The following ABR variants were observed in gnomAD, a reference collection of about 807,000 sequenced individuals.
The protein encoded by ABR is active breakpoint cluster region-related protein.
ABR carries 35 observed loss-of-function variants against 107.2 expected under a neutral mutation model. That is an observed-to-expected ratio of 0.33 (90% CI 0.25 to 0.43). ABR has a LOEUF of 0.43. Ranked by LOEUF, ABR falls within the 20% of genes least tolerant of loss-of-function variation. The probability of loss-of-function intolerance (pLI) is 1.00; values close to 1 mark genes in which losing one functional copy is unlikely to be tolerated. For synonymous variants in ABR, 498 were observed against 462.0 expected, an observed-to-expected ratio of 1.08 and a Z score of -1.00; for missense variants, 815 against 1,115.2, an observed-to-expected ratio of 0.73 and a Z score of 3.83.
intron 2 of ABR, among the ~76,000 whole-genome samples, chr17:1,102,621 C>T (rs1272134617): frequency 2.0e-5 from 3 of 152,210 alleles, no homozygotes; most frequent in Non-Finnish European, 2.9e-5. Flanking sequence ...AGTCCTGGGC[C>T]GTATGGCCGC....
chr17:1,086,347 A>G (rs1408878020), intron 4 of ABR, among the ~76,000 whole-genome samples: 1 of 152,104 alleles, frequency 6.6e-6, no homozygotes, highest in Non-Finnish European at 1.5e-5. Context: ...GAAGCCGCGC[A>G]CACAGCCATG....
chr17:1,197,702 C>T (rs1474146395), intron 1 of ABR, among the ~76,000 whole-genome samples: 1 of 151,568 alleles, frequency 6.6e-6, no homozygotes. Flanking sequence ...CTTTCCTGGA[C>T]CCCAGGCTGG....
intron 10 of ABR, among the ~76,000 whole-genome samples, chr17:1,066,141 A>C (rs2034714652): frequency 6.6e-6 from 1 of 152,070 alleles, no homozygotes. Flanking sequence ...AGCCTCCCAA[A>C]GTTCTGGGAT....
upstream of ABR, among the ~76,000 whole-genome samples, chr17:1,189,718 G>C (rs1166254762): frequency 6.6e-6 from 1 of 152,048 alleles, no homozygotes; most frequent in Non-Finnish European, 1.5e-5. Context: ...CTTCCAGGGA[G>C]CTTTCCCGAC....
chr17:1,181,650 C>G (rs548872484), upstream of ABR, among the ~76,000 whole-genome samples: 1 of 152,172 alleles, frequency 6.6e-6, no homozygotes, highest in Admixed American at 6.5e-5. Context: ...GGGAAGGGAA[C>G]GAGCAGGCTC....
At chr17:1,116,385 G>A (rs1285163049) in intron 2 of ABR, among the ~76,000 whole-genome samples, 2 of 152,192 alleles carry the variant, frequency 1.3e-5, no homozygotes, top group Non-Finnish European at 2.9e-5. Flanking sequence ...ACCTGGGCAT[G>A]TCATCTAGTC....
At position 1,148,941 on chromosome 17, in the gene ABR, A is replaced by G. The variant is rs949483979; in HGVS notation, c.62-23574T>C. 3.3e-5 allele frequency among the ~76,000 whole-genome samples: 5 copies of G among 151,884 alleles called. No homozygotes were observed. Among genetic ancestry groups the G allele is most frequent in the African/African-American group, 9.7e-5 (4 of 41,308 alleles). On this transcript the variant is annotated intron_variant, in intron 1 of 22. Coordinates refer to ENST00000302538, the MANE Select transcript of ABR (RefSeq NM_021962.5). This position sits in a 1 kb window ranked among gnomAD's most constrained non-coding sequence, Gnocchi z 4.9. ...TTTTGAGACAGAGTCTCACTCTGTCACCCAGGCTGGAGTGCAGTGGCGCCA... is the reference window on the plus strand; with the variant it reads ...TTTTGAGACAGAGTCTCACTCTGTCGCCCAGGCTGGAGTGCAGTGGCGCCA...
intron 9 of ABR, 142 bp from the exon 10 acceptor site, chr17:1,067,384 G>C: frequency 4.7e-6 from 4 of 844,796 alleles, no homozygotes; most frequent in Non-Finnish European, 7.0e-6. Flanking sequence ...CTCCTGAGGA[G>C]CCTGATTGGG....
At chr17:1,113,494 C>T (rs144979950) in intron 2 of ABR, among the ~76,000 whole-genome samples, 4,594 of 151,956 alleles carry the variant, frequency 0.03, 230 homozygotes, top group African/African-American at 0.1. Context: ...ATCATGTTGG[C>T]CAGGCTGGTC....
intron 1 of ABR, among the ~76,000 whole-genome samples, chr17:1,166,678 C>T (rs1371720623): frequency 6.6e-6 from 1 of 152,164 alleles, no homozygotes; most frequent in Non-Finnish European, 1.5e-5. Context: ...GTGTGGGCAG[C>T]GCGGGCCTCA....
intron 1 of ABR, among the ~76,000 whole-genome samples, chr17:1,186,033 C>T (rs1567874153): frequency 6.6e-6 from 1 of 152,112 alleles, no homozygotes; most frequent in African/African-American, 2.4e-5. Flanking sequence ...AATGGGGTTT[C>T]GCCATGTTGG....
At chr17:1,172,190 C>G (rs1238855342) in intron 1 of ABR, among the ~76,000 whole-genome samples, 2 of 152,250 alleles carry the variant, frequency 1.3e-5, no homozygotes, top group Non-Finnish European at 2.9e-5. Flanking sequence ...ACCCGCTGCT[C>G]CATCCACAAG....
upstream of ABR, among the ~76,000 whole-genome samples, chr17:1,184,556 T>C (rs1388050708): frequency 1.3e-5 from 2 of 152,174 alleles, no homozygotes; most frequent in African/African-American, 4.8e-5. Context: ...CCAGCACAGC[T>C]ATGACCACAT....
At chr17:1,163,315 T>C (rs529851409) in intron 1 of ABR, among the ~76,000 whole-genome samples, 22 of 152,356 alleles carry the variant, frequency 1.4e-4, no homozygotes, top group African/African-American at 5.3e-4. Flanking sequence ...GTATCGACCC[T>C]GTAAAAGCAA....
chr17:1,078,708 T>G lies in ABR; in HGVS notation c.700+622A>C. On this transcript the variant is annotated intron_variant, in intron 6 of 22. Coordinates refer to ENST00000302538, the MANE Select transcript of ABR (RefSeq NM_021962.5). The surrounding 1 kb of genome is among the most constrained non-coding windows in gnomAD (Gnocchi z 7.5). Reference sequence around the variant, plus strand: ...TTCAGGTCCAGCCGCTCGCCCACCCTCCTTCCCTGCGGCCCTCTAACCTCC... The same window carrying G: ...TTCAGGTCCAGCCGCTCGCCCACCCGCCTTCCCTGCGGCCCTCTAACCTCC... 8.2e-7 allele frequency: 1 copy of G among 1,214,712 alleles called. No individual in the cohort carries two copies. The highest frequency in any genetic ancestry group is 1.1e-6 in the Non-Finnish European group (1 of 873,534). 75.2% of individuals were successfully genotyped at this position (1,214,712 alleles called of 1,614,324 possible).
intron 1 of ABR, among the ~76,000 whole-genome samples, chr17:1,168,643 C>A (rs2041600433): frequency 6.6e-6 from 1 of 152,208 alleles, no homozygotes; most frequent in Non-Finnish European, 1.5e-5. Flanking sequence ...TCTAGCACAG[C>A]CACAGGCAGT....
rs1287428220 is a variant in ABR at position 1,058,199 on chromosome 17, G to C, written c.1306-154C>G. Among the ~76,000 whole-genome samples, 4 of 137,876 alleles carry C rather than the reference G, an allele frequency of 2.9e-5. No homozygotes were observed. The East Asian group carries it at 8.7e-4, about 30-fold the overall frequency. The allele number at this position is 137,876 out of a possible 152,430, so 90.5% of individuals were successfully genotyped here. On this transcript the variant is annotated intron_variant, in intron 11 of 22. Coordinates refer to ENST00000302538, the MANE Select transcript of ABR (RefSeq NM_021962.5). Reference sequence around the variant, plus strand: ...TTGTTGCCCAGGCTCTAGTGCAATGGCAAAATCTCGGCTCACTGCAACCTC... The same window carrying C: ...TTGTTGCCCAGGCTCTAGTGCAATGCCAAAATCTCGGCTCACTGCAACCTC...
At chr17:1,208,852 C>T (rs984974921) in intron 1 of ABR, among the ~76,000 whole-genome samples, 8 of 149,278 alleles carry the variant, frequency 5.4e-5, no homozygotes, top group Admixed American at 1.3e-4. Context: ...CATGCCACTG[C>T]GCTCCAGCCT....
chr17:1,019,469 A>G (rs76513038), intron 16 of ABR, among the ~76,000 whole-genome samples: 1 of 83,108 alleles, frequency 1.2e-5, no homozygotes, highest in Non-Finnish European at 2.6e-5. Context: ...TGGCCCTGGT[A>G]TCTGCTGCAG....
Sources: gnomAD v4.1 joint callset for allele counts (sites outside exome capture counted in the v4.1 genomes callset) on GRCh38, gnomAD v4.1.1 for gene constraint, Gnocchi (gnomAD v3.1) non-coding constraint, MANE v1.5 for transcripts, NCBI Gene and HGNC (gene_info 2026-07-23, HGNC 2026-07-21) for gene names.